The following SYNJ1 variants were observed in gnomAD, a reference collection of about 807,000 sequenced individuals.
SYNJ1 encodes synaptojanin 1, also known as polyphosphatidylinositol phosphatase SYNJ1.
A neutral mutation model predicts 168.2 loss-of-function variants in SYNJ1; 78 were observed. That is an observed-to-expected ratio of 0.46 (90% CI 0.39 to 0.56). SYNJ1 has a LOEUF of 0.56. SYNJ1 is among the 20% of genes least tolerant of loss of function. The pLI, the probability that SYNJ1 is intolerant of heterozygous loss-of-function variation, is 0.00. For synonymous variants in SYNJ1, 539 were observed against 548.6 expected (o/e 0.98, Z 0.24); for missense variants, 1,303 against 1,597.6 (o/e 0.82, Z 3.14).
intron 32 of SYNJ1, among the ~76,000 whole-genome samples, chr21:32,634,076 A>T (rs1018797761): frequency 6.6e-6 from 1 of 152,350 alleles, no homozygotes; most frequent in East Asian, 1.9e-4. Context: ...ATCGTCTGCA[A>T]CACAGACATT....
chr21:32,693,948 G>A lies in SYNJ1; in HGVS notation c.789+280C>T, dbSNP rs532166508. Reference sequence around the variant, plus strand: ...CTAAGATAAGAAGGTAATAAATATGGAATCACATTGCAAATCAATACACTA... The same window carrying A: ...CTAAGATAAGAAGGTAATAAATATGAAATCACATTGCAAATCAATACACTA... On this transcript the variant is annotated intron_variant, in intron 6 of 32. Transcript: ENST00000674351. 1.5e-3 allele frequency among the ~76,000 whole-genome samples: 227 copies of A among 152,120 alleles called. 1 individual carries two copies. The highest frequency in any genetic ancestry group is 8.7e-3 in the South Asian group (42 of 4,814).
intron 2 of SYNJ1, among the ~76,000 whole-genome samples, chr21:32,710,055 T>C (rs1345626046): frequency 6.6e-6 from 1 of 151,700 alleles, no homozygotes; most frequent in Non-Finnish European, 1.5e-5. Context: ...ATACAAAAAT[T>C]AGCCGGGCAT....
chr21:32,639,591 T>G (rs1056994836), intron 30 of SYNJ1, 80 bp downstream of exon 30: 15 of 1,078,126 alleles, frequency 1.4e-5, no homozygotes, highest in East Asian at 4.9e-5. Flanking sequence ...TACAGGCGGG[T>G]CTCACTATGT....
chr21:32,715,548 T>C (rs936334752), intron 2 of SYNJ1, among the ~76,000 whole-genome samples: 1 of 152,068 alleles, frequency 6.6e-6, no homozygotes, highest in Admixed American at 6.6e-5. Flanking sequence ...TATTAAATGA[T>C]TTTGTTTATC....
Position 32,700,058 on chromosome 21 carries a change from C to A in SYNJ1, c.259G>T (p.Val87Phe), listed in dbSNP as rs768490351. ...ACTTCAGATTCTTGAATTTTTCCAA[C>A]AGACATACATCCAGTGACTAGGACC... ...YLVLVTGCMS[V>F]GKIQESEVFR... is the part of the protein sequence containing the mutation. Residue 87 changes from valine to phenylalanine, a missense_variant, in exon 4 of 33, where the codon GTT becomes TTT. Physicochemically the swap from Val to Phe is conservative, Grantham distance 50. This residue lies in a region of SYNJ1 where 920 missense variants were observed against 1,208.8 expected (regional missense o/e 0.76). Transcript: ENST00000674351. 3.7e-6 allele frequency: 6 copies of A among 1,614,142 alleles called. No individual in the cohort carries two copies. The highest frequency in any genetic ancestry group is 5.1e-6 in the Non-Finnish European group (6 of 1,180,038).
chr21:32,645,712 G>A lies in SYNJ1; in HGVS notation c.3325C>T (p.Pro1109Ser). ...GGAGGGGCGACCGGGCGGGGCGGCG[G>A]CGGCCGCTTGGGCTCCAAGGGCTGG... The part of the protein sequence containing the change: ...PAQPLEPKRP[P>S]PPRPVAPPTR... Residue 1109 changes from proline (P) to serine (S), a missense_variant, in exon 25 of 33, where the codon CCG becomes TCG. Pro to Ser is a moderately conservative substitution (Grantham distance 74). Around this residue, in one of 2 missense-constraint regions of SYNJ1, gnomAD observed 383 missense variants for 388.8 expected, o/e 0.99. Transcript: ENST00000674351. 1 of 1,474,390 alleles carries A rather than the reference G, an allele frequency of 6.8e-7. No individual in the cohort carries two copies. Among genetic ancestry groups the A allele is most frequent in the African/African-American group, 1.4e-5 (1 of 70,344 alleles). The allele number at this position is 1,474,390 out of a possible 1,614,324, so 91.3% of individuals were successfully genotyped here.
At chr21:32,724,578 G>T (rs2043374694) in intron 2 of SYNJ1, among the ~76,000 whole-genome samples, 1 of 152,232 alleles carries the variant, frequency 6.6e-6, no homozygotes, top group African/African-American at 2.4e-5. Context: ...GAAATTCAGG[G>T]AGCTGGGATT....
At chr21:32,726,109 G>C (rs1019161918) in intron 2 of SYNJ1, among the ~76,000 whole-genome samples, 12 of 152,226 alleles carry the variant, frequency 7.9e-5, no homozygotes, top group African/African-American at 2.9e-4. Flanking sequence ...CAAAGTGCTG[G>C]GACTACAGGC....
In SYNJ1 at chr21:32,630,073, C is replaced by G. The variant is rs763733765; in HGVS notation, c.*1732G>C. 6.6e-6 allele frequency: 1 copy of G among 152,194 alleles called. No individual in the cohort carries two copies. Among genetic ancestry groups the G allele is most frequent in the South Asian group, 2.1e-4 (1 of 4,834 alleles). 9.4% of individuals were successfully genotyped at this position (152,194 alleles called of 1,614,324 possible). Reference sequence around the variant, plus strand: ...TCGAACGTACGCAGAGAAGAGAGTACGGTTAGCTCTAATATTTCTCATTGA... The same window carrying G: ...TCGAACGTACGCAGAGAAGAGAGTAGGGTTAGCTCTAATATTTCTCATTGA... On this transcript the variant is annotated 3_prime_UTR_variant, in exon 33 of 33. Coordinates refer to ENST00000674351, the MANE Select transcript of SYNJ1 (RefSeq NM_203446.3).
chr21:32,676,882 G>C (rs2041431326), intron 12 of SYNJ1, among the ~76,000 whole-genome samples: 2 of 152,100 alleles, frequency 1.3e-5, no homozygotes, highest in Non-Finnish European at 2.9e-5. Flanking sequence ...GGGAAAAATG[G>C]GGTTGGGGTA....
intron 22 of SYNJ1, among the ~76,000 whole-genome samples, chr21:32,652,731 A>C (rs1233463504): frequency 6.6e-6 from 1 of 152,226 alleles, no homozygotes; most frequent in Non-Finnish European, 1.5e-5. Flanking sequence ...CCAACAATGT[A>C]AGTTTCCGTC....
chr21:32,690,346 T>G lies in SYNJ1; in HGVS notation c.790-1979A>C, dbSNP rs150441412. 3.9e-5 allele frequency among the ~76,000 whole-genome samples: 6 copies of G among 152,350 alleles called. No individual in the cohort carries two copies. The East Asian group carries it at 1.2e-3, about 29-fold the overall frequency. On this transcript the variant is annotated intron_variant, in intron 6 of 32. Transcript: ENST00000674351. ...CCTCAGCCTGCTGAGTAGCTGAGAC[T>G]ACAGGCACACGTCACCATGCCCGAA...
chr21:32,684,832 G>A (rs1480023179), intron 9 of SYNJ1, among the ~76,000 whole-genome samples: 1 of 152,172 alleles, frequency 6.6e-6, no homozygotes, highest in Non-Finnish European at 1.5e-5. Flanking sequence ...TGCAGCAGAT[G>A]GAAATGGGCA....
Position 32,630,764 on chromosome 21 carries a change from T to C in SYNJ1, c.*1041A>G. The C allele has an allele frequency of 2.3e-6, 1 of 433,482 alleles. No homozygotes were observed. The highest frequency in any genetic ancestry group is 3.6e-5 in the East Asian group (1 of 27,608). The allele number at this position is 433,482 out of a possible 1,614,324, so 26.9% of individuals were successfully genotyped here. ...TAAGTACTTTTTATGGCTACTACTGTCTCCTATTCATCCAAAGAGAAATAC... is the reference window on the plus strand; with the variant it reads ...TAAGTACTTTTTATGGCTACTACTGCCTCCTATTCATCCAAAGAGAAATAC... On this transcript the variant is annotated 3_prime_UTR_variant, in exon 33 of 33. Transcript: ENST00000674351.
At chr21:32,658,761 C>T (rs80272606) in intron 18 of SYNJ1, among the ~76,000 whole-genome samples, 1,815 of 152,292 alleles carry the variant, frequency 0.012, 38 homozygotes, top group African/African-American at 0.04. Flanking sequence ...AACTCCCCCT[C>T]CTACAGGGGT....
At chr21:32,684,927 C>A (rs1267476088) in intron 9 of SYNJ1, among the ~76,000 whole-genome samples, 1 of 152,084 alleles carries the variant, frequency 6.6e-6, no homozygotes, top group Non-Finnish European at 1.5e-5. Context: ...CGCCTGTAAT[C>A]CCAGCACTTT....
intron 10 of SYNJ1, among the ~76,000 whole-genome samples, chr21:32,683,492 C>G (rs1302099185): frequency 4.0e-5 from 6 of 151,020 alleles, no homozygotes; most frequent in African/African-American, 1.5e-4. Flanking sequence ...GGATTGGTAT[C>G]AGAGAAGTTG....
At position 32,630,756 on chromosome 21, in the gene SYNJ1, T is replaced by C; in HGVS notation, c.*1049A>G. 1.3e-5 allele frequency: 5 copies of C among 398,762 alleles called. No homozygotes were observed. Among genetic ancestry groups the C allele is most frequent in the Non-Finnish European group, 2.2e-5 (5 of 223,300 alleles). 24.7% of individuals were successfully genotyped at this position (398,762 alleles called of 1,614,324 possible). A position where few individuals can be genotyped will look rare whatever the true frequency, so the allele number is the denominator to read the frequency against. ...CTAAAGTATAAGTACTTTTTATGGC[T>C]ACTACTGTCTCCTATTCATCCAAAG... On this transcript the variant is annotated 3_prime_UTR_variant, in exon 33 of 33. Coordinates refer to ENST00000674351, the MANE Select transcript of SYNJ1 (RefSeq NM_203446.3).
chr21:32,683,521 TCTCA>T (rs2041704422), intron 10 of SYNJ1, among the ~76,000 whole-genome samples: 1 of 151,952 alleles, frequency 6.6e-6, no homozygotes. Flanking sequence ...TCATTTTCAT[TCTCA>T]CTAACTATGG....
Sources: gnomAD v4.1 joint callset for allele counts (sites outside exome capture counted in the v4.1 genomes callset) on GRCh38, gnomAD v4.1.1 for gene constraint, gnomAD v4.1.1 regional missense constraint, MANE v1.5 for transcripts, NCBI Gene and HGNC (gene_info 2026-07-23, HGNC 2026-07-21) for gene names.